GFRA2: variants seen among roughly 807,000 people sequenced by gnomAD.
GFRA2 encodes GDNF family receptor alpha-2.
Under a neutral mutation model 48.3 loss-of-function variants are expected in GFRA2, and 17 were observed. The observed-to-expected ratio is 0.35, with a 90% CI of 0.24 to 0.53. The LOEUF (loss-of-function observed/expected upper bound fraction) is 0.53, where lower values mean the gene tolerates loss of function less well. GFRA2 is among the 20% of genes least tolerant of loss of function. The pLI is 0.93. For synonymous variants in GFRA2, 305 were observed against 257.2 expected, an observed-to-expected ratio of 1.19 and a Z score of -1.78; for missense variants, 660 against 637.3, an observed-to-expected ratio of 1.04 and a Z score of -0.38.
chr8:21,810,141 G>T (rs759902399), intron 1 of GFRA2, among the ~76,000 whole-genome samples: 2 of 152,162 alleles, frequency 1.3e-5, no homozygotes, highest in Non-Finnish European at 2.9e-5. Flanking sequence ...AAAAGCACAT[G>T]GCAGATGATC....
chr8:21,770,659 G>A (rs1461284542), intron 3 of GFRA2, among the ~76,000 whole-genome samples: 4 of 152,280 alleles, frequency 2.6e-5, no homozygotes, highest in East Asian at 3.9e-4. Flanking sequence ...CCCTCACCCA[G>A]GATGCAGACA....
rs776885972 is a variant in GFRA2, at chr8:21,704,985, G to T, written c.1045C>A (p.Arg349=). 3.4e-5 allele frequency: 54 copies of T among 1,609,054 alleles called. 1 individual carries two copies. The South Asian group carries it at 5.8e-4, about 17-fold the overall frequency. Residue 349 remains arginine, a splice_region_variant and synonymous_variant, in exon 6 of 9, where the codon CGG becomes AGG. Coordinates refer to ENST00000524240, the MANE Select transcript of GFRA2 (RefSeq NM_001495.5). ...LRDFTENPCL[R]NAIQAFGNGT... is the part of the protein sequence containing the mutation. ...GTTGGGGAGAACATCCAGAACTTAC[G>T]GAGGCATGGGTTCTCGGTGAAGTCC...
chr8:21,720,907 A>G (rs1803561916), intron 4 of GFRA2, among the ~76,000 whole-genome samples: 1 of 151,944 alleles, frequency 6.6e-6, no homozygotes, highest in Non-Finnish European at 1.5e-5. Context: ...CATCTTATTC[A>G]TGTTTAAAAC....
chr8:21,793,075 A>G (rs911089593), upstream of GFRA2, among the ~76,000 whole-genome samples: 4 of 152,150 alleles, frequency 2.6e-5, no homozygotes, highest in African/African-American at 4.8e-5. Context: ...TCAAAAAAAA[A>G]AGAGAAAGTT....
chr8:21,695,034 G>A (rs1397958306), intron 7 of GFRA2, among the ~76,000 whole-genome samples: 1 of 152,194 alleles, frequency 6.6e-6, no homozygotes, highest in Admixed American at 6.5e-5. Flanking sequence ...CTGGGCTTGA[G>A]GGGAAGAGAG....
rs1801877047 is a variant in GFRA2 at position 21,691,304 on chromosome 8, T to A, written c.*1974A>T. 6.6e-6 allele frequency: 1 copy of A among 152,194 alleles called. No individual in the cohort carries two copies. The highest frequency in any genetic ancestry group is 1.9e-4 in the East Asian group (1 of 5,190). The allele number at this position is 152,194 out of a possible 1,614,324, so 9.4% of individuals were successfully genotyped here. The stretch of plus-strand genomic sequence containing the variant: ...CGACCGCACACACATGTACACATGC[T>A]CACATACATGGACACACACACACTT... On this transcript the variant is annotated 3_prime_UTR_variant, in exon 9 of 9. Coordinates refer to ENST00000524240, the MANE Select transcript of GFRA2 (RefSeq NM_001495.5).
rs79215432 is a variant in GFRA2, at chr8:21,760,177, C to T, written c.440-9235G>A. On this transcript the variant is annotated intron_variant, in intron 3 of 8. Coordinates refer to ENST00000524240, the MANE Select transcript of GFRA2 (RefSeq NM_001495.5). ...AGTCAGAGGGACAGTCAGGGGAGAC[C>T]TTGCGGGGCAGGTAAGAACTTCAGA... 5.1e-3 allele frequency among the ~76,000 whole-genome samples: 776 copies of T among 152,266 alleles called. 5 individuals are homozygous for T. The highest frequency in any genetic ancestry group is 0.018 in the African/African-American group (752 of 41,546).
Position 21,788,757 on chromosome 8 carries a change from C to T in GFRA2, c.-598G>A. 1 of 985,540 alleles carries T rather than the reference C, an allele frequency of 1.0e-6. No homozygotes were observed. Among genetic ancestry groups the T allele is most frequent in the Non-Finnish European group, 1.2e-6 (1 of 829,996 alleles). The allele number at this position is 985,540 out of a possible 1,614,324, so 61.0% of individuals were successfully genotyped here. A position where few individuals can be genotyped will look rare whatever the true frequency, so the allele number is the denominator to read the frequency against. On this transcript the variant is annotated 5_prime_UTR_variant, in exon 1 of 9. Transcript: ENST00000524240. The stretch of plus-strand genomic sequence containing the variant: ...TTCTCCCGCTAACCCTTGCTCGGCT[C>T]ACTTTTTTCTAATGGAATTCCAGTG...
chr8:21,809,774 T>A (rs1424881754), intron 1 of GFRA2, among the ~76,000 whole-genome samples: 1 of 152,206 alleles, frequency 6.6e-6, no homozygotes, highest in African/African-American at 2.4e-5. Context: ...GTTTGGTCTT[T>A]GAAAAACAGC....
chr8:21,775,109 G>C, intron 2 of GFRA2, 54 bp from the exon 3 acceptor site: 1 of 880,788 alleles, frequency 1.1e-6, no homozygotes, highest in South Asian at 1.4e-5. Flanking sequence ...GAGCGCTGCC[G>C]GCACTTAGCA....
At position 21,759,485 on chromosome 8, in the gene GFRA2, A is replaced by AGAAGGAAAGAAG. The variant is rs1805779030; in HGVS notation, c.440-8544_440-8543insCTTCTTTCCTTC. On this transcript the variant is annotated intron_variant, in intron 3 of 8. Transcript: ENST00000524240. ...GGGAGGGAGGGAGGGAAAGAAGGAA[A>AGAAGGAAAGAAG]GAAGGAAGGAAGGAAGGAAGGAAGG... 1.2e-3 allele frequency among the ~76,000 whole-genome samples: 83 copies of AGAAGGAAAGAAG among 71,796 alleles called. 1 individual carries two copies. Among genetic ancestry groups the AGAAGGAAAGAAG allele is most frequent in the African/African-American group, 4.5e-3 (74 of 16,324 alleles). 47.1% of individuals were successfully genotyped at this position (71,796 alleles called of 152,430 possible).
chr8:21,714,243 G>GTTT (rs1385783305), intron 4 of GFRA2, among the ~76,000 whole-genome samples: 1 of 46,044 alleles, frequency 2.2e-5, no homozygotes, highest in South Asian at 6.0e-4. Flanking sequence ...CTGGTCTGAA[G>GTTT]TTCTTTTTTT....
chr8:21,716,169 A>G (rs1803322385), intron 4 of GFRA2, among the ~76,000 whole-genome samples: 1 of 152,090 alleles, frequency 6.6e-6, no homozygotes, highest in Non-Finnish European at 1.5e-5. Flanking sequence ...CTGAAAATCG[A>G]AAAATTAGCC....
chr8:21,801,195 C>T (rs1244937942), intron 2 of GFRA2, among the ~76,000 whole-genome samples: 6 of 152,258 alleles, frequency 3.9e-5, no homozygotes, highest in African/African-American at 1.4e-4. Context: ...ACACCTGATG[C>T]TCCATCCATC....
intron 4 of GFRA2, among the ~76,000 whole-genome samples, chr8:21,721,265 C>T (rs1432029855): frequency 6.6e-6 from 1 of 152,212 alleles, no homozygotes; most frequent in Non-Finnish European, 1.5e-5. Flanking sequence ...CCTTTCCCCC[C>T]TTCCTCTTAT....
At chr8:21,780,267 A>G (rs1806916873) in intron 2 of GFRA2, among the ~76,000 whole-genome samples, 1 of 151,984 alleles carries the variant, frequency 6.6e-6, no homozygotes. Flanking sequence ...GAGCATGGCT[A>G]ATCCAGTGTG....
At chr8:21,702,735 A>G in intron 7 of GFRA2, 70 bp downstream of exon 7, 1 of 1,457,670 alleles carries the variant, frequency 6.9e-7, no homozygotes, top group South Asian at 1.4e-5. Context: ...CCCTGGCCTC[A>G]GCTGAGTCAT....
At chr8:21,707,963 C>A (rs536126828) in intron 4 of GFRA2, among the ~76,000 whole-genome samples, 1 of 152,332 alleles carries the variant, frequency 6.6e-6, no homozygotes, top group African/African-American at 2.4e-5. Flanking sequence ...ATTATTATCC[C>A]ATTTTATAGA....
In GFRA2 at chr8:21,787,742, C is replaced by G. The variant is rs1216358221; in HGVS notation, c.40+378G>C. 7.2e-5 allele frequency among the ~76,000 whole-genome samples: 11 copies of G among 152,374 alleles called. No homozygotes were observed. In the East Asian group the frequency reaches 2.1e-3, roughly 29 times the overall value. On this transcript the variant is annotated intron_variant, in intron 1 of 8. Coordinates refer to ENST00000524240, the MANE Select transcript of GFRA2 (RefSeq NM_001495.5). ...CCCGCCTAGGAGCCTCTCTCTCCCT[C>G]CCTTCTTGCAGATCAAGAGTTGGAT...
Sources: allele counts gnomAD v4.1 joint callset (sites outside exome capture counted in the v4.1 genomes callset), GRCh38; gene constraint gnomAD v4.1.1; transcripts MANE v1.5; gene names NCBI Gene and HGNC (gene_info 2026-07-23, HGNC 2026-07-21).